The following WDFY4 variants were observed in gnomAD, a reference collection of about 807,000 sequenced individuals.
WDFY4 encodes WD repeat- and FYVE domain-containing protein 4.
A neutral mutation model predicts 351.9 loss-of-function variants in WDFY4; 169 were observed. That is an observed-to-expected ratio of 0.48 (90% CI 0.42 to 0.55). The LOEUF is 0.55. Among genes scored for constraint, WDFY4 ranks in the 20% least tolerant of loss-of-function variants. The pLI is 0.00. For synonymous variants in WDFY4, 1,622 were observed against 1,574.6 expected, an observed-to-expected ratio of 1.03 and a Z score of -0.71; for missense variants, 3,803 against 3,935.6, an observed-to-expected ratio of 0.97 and a Z score of 0.90.
chr10:48,847,760 A>G (rs2068825643), intron 39 of WDFY4, among the ~76,000 whole-genome samples: 2 of 152,222 alleles, frequency 1.3e-5, no homozygotes, highest in Non-Finnish European at 2.9e-5. Context: ...GTCTTTTGCT[A>G]TACCAGTGTG....
intron 47 of WDFY4, among the ~76,000 whole-genome samples, chr10:48,920,534 AAAG>A (rs1838975677): frequency 1.3e-5 from 2 of 152,250 alleles, no homozygotes; most frequent in Admixed American, 1.3e-4. Context: ...AATTGAAAAA[AAAG>A]AAAAAAAAAG....
At chr10:48,866,884 A>G (rs952550481) in intron 39 of WDFY4, among the ~76,000 whole-genome samples, 3 of 152,148 alleles carry the variant, frequency 2.0e-5, no homozygotes, top group Non-Finnish European at 4.4e-5. Context: ...AGACGTTCTT[A>G]TCTAAAATCA....
chr10:48,811,296 C>G (rs975752214), intron 29 of WDFY4, among the ~76,000 whole-genome samples: 1 of 152,172 alleles, frequency 6.6e-6, no homozygotes, highest in African/African-American at 2.4e-5. Context: ...TCAAAGCTGC[C>G]CTGTTGCCTC....
intron 47 of WDFY4, among the ~76,000 whole-genome samples, chr10:48,916,091 C>T (rs1838503991): frequency 6.6e-6 from 1 of 152,224 alleles, no homozygotes; most frequent in African/African-American, 2.4e-5. Flanking sequence ...GAGAAGCACT[C>T]TGGGGACTCT....
chr10:48,950,855 C>G (rs551327858), intron 51 of WDFY4, among the ~76,000 whole-genome samples: 9 of 152,238 alleles, frequency 5.9e-5, no homozygotes, highest in Non-Finnish European at 5.9e-5. Flanking sequence ...CATGTGTGTG[C>G]AGCATGGCCC....
intron 47 of WDFY4, among the ~76,000 whole-genome samples, chr10:48,923,275 C>T (rs1294477676): frequency 1.3e-5 from 2 of 151,878 alleles, no homozygotes; most frequent in African/African-American, 4.8e-5. Context: ...TTGTGTACCA[C>T]AGGGAACAGA....
chr10:48,772,517 C>CTTTTTTTTTTTTTTTTTTTTGTTTTTTTT (rs10672319), intron 13 of WDFY4, among the ~76,000 whole-genome samples: 1 of 70,652 alleles, frequency 1.4e-5, no homozygotes, highest in East Asian at 3.7e-4. Flanking sequence ...GAGGGCAGTT[C>CTTTTTTTTTTTTTTTTTTTTGTTTTTTTT]TTTTTTTTTT....
At chr10:48,757,100 G>T (rs2065360262) in intron 12 of WDFY4, among the ~76,000 whole-genome samples, 1 of 152,064 alleles carries the variant, frequency 6.6e-6, no homozygotes, top group Admixed American at 6.5e-5. Context: ...TACATATTCG[G>T]TTTTTGTAAT....
At chr10:48,702,264 A>G (rs1250032097) in intron 1 of WDFY4, among the ~76,000 whole-genome samples, 1 of 152,148 alleles carries the variant, frequency 6.6e-6, no homozygotes, top group Admixed American at 6.5e-5. Flanking sequence ...TCCATAGCTC[A>G]GAACTGCTAC....
At chr10:48,686,016 G>A (rs2063036422) in intron 1 of WDFY4, among the ~76,000 whole-genome samples, 1 of 152,012 alleles carries the variant, frequency 6.6e-6, no homozygotes, top group South Asian at 2.1e-4. Flanking sequence ...AGGGTCTGGA[G>A]GAGGAGACCT....
intron 39 of WDFY4, among the ~76,000 whole-genome samples, chr10:48,835,000 G>A (rs569608442): frequency 1.3e-5 from 2 of 152,148 alleles, no homozygotes; most frequent in Non-Finnish European, 2.9e-5. Flanking sequence ...ATCCAAAGCC[G>A]GCTCTGTCTT....
At chr10:48,945,062 G>C (rs573682079) in intron 49 of WDFY4, among the ~76,000 whole-genome samples, 5 of 152,120 alleles carry the variant, frequency 3.3e-5, no homozygotes, top group Admixed American at 1.3e-4. Flanking sequence ...GGAGCTTTGA[G>C]GATTCACTGC....
intron 39 of WDFY4, among the ~76,000 whole-genome samples, chr10:48,838,967 C>T (rs368639340): frequency 2.2e-4 from 33 of 152,248 alleles, no homozygotes; most frequent in African/African-American, 7.2e-4. Context: ...GCTGAGGGCA[C>T]GTTGAGCCTT....
At position 48,736,301 on chromosome 10, in the gene WDFY4, C is replaced by T. The variant is rs113925098; in HGVS notation, c.1878+231C>T. 7.3e-3 allele frequency: 4,512 copies of T among 616,306 alleles called. 174 individuals are homozygous for T. The African/African-American group carries it at 0.074, about 10-fold the overall frequency. The allele number at this position is 616,306 out of a possible 1,614,324, so 38.2% of individuals were successfully genotyped here. On this transcript the variant is annotated intron_variant, in intron 11 of 61. Transcript: ENST00000325239. ...AGTCCAGTCAATGATTGGTGACTGT[C>T]ATTAAGGAACTACCATCACCTGGGC... is the stretch of plus-strand genomic sequence containing the variant.
chr10:48,858,574 T>A (rs998058616), intron 39 of WDFY4, among the ~76,000 whole-genome samples: 1 of 152,222 alleles, frequency 6.6e-6, no homozygotes, highest in Admixed American at 6.5e-5. Flanking sequence ...TCTATTCCTC[T>A]CTCAGTACCG....
chr10:48,824,032 T>C (rs1444864104), intron 35 of WDFY4: 4 of 985,478 alleles, frequency 4.1e-6, no homozygotes, highest in Non-Finnish European at 4.8e-6. Context: ...ACTCTTTGTA[T>C]TATGGATTCT....
At chr10:48,744,612 G>A (rs1474366075) in intron 12 of WDFY4, among the ~76,000 whole-genome samples, 1 of 152,108 alleles carries the variant, frequency 6.6e-6, no homozygotes, top group Non-Finnish European at 1.5e-5. Context: ...AGCATGAGTT[G>A]GACAGTGCTT....
intron 19 of WDFY4, among the ~76,000 whole-genome samples, chr10:48,785,327 G>C (rs1413758438): frequency 6.6e-6 from 1 of 151,780 alleles, no homozygotes; most frequent in East Asian, 1.9e-4. Flanking sequence ...CTTTCACATG[G>C]GTAAAATTTC....
chr10:48,845,511 T>C (rs2068745806), intron 39 of WDFY4, among the ~76,000 whole-genome samples: 1 of 152,060 alleles, frequency 6.6e-6, no homozygotes, highest in African/African-American at 2.4e-5. Context: ...AGGAGCTTGA[T>C]CTGAGACTTG....
Sources: gnomAD v4.1 joint callset for allele counts (sites outside exome capture counted in the v4.1 genomes callset) on GRCh38, gnomAD v4.1.1 for gene constraint, MANE v1.5 for transcripts, NCBI Gene and HGNC (gene_info 2026-07-23, HGNC 2026-07-21) for gene names.